Variants in FAM13A observed in about 807,000 individuals in gnomAD.
FAM13A encodes family with sequence similarity 13 member A, also known as protein FAM13A.
In FAM13A, 76 loss-of-function variants were observed where a neutral mutation model predicts 129.6. The observed-to-expected ratio is 0.59, with a 90% confidence interval of 0.49 to 0.71. The LOEUF is 0.71. Ranked by LOEUF, FAM13A falls within the 30% of genes least tolerant of loss-of-function variation. FAM13A has a pLI of 0.00. For synonymous variants in FAM13A, 443 were observed against 449.9 expected (o/e 0.98, Z 0.20); for missense variants, 1,108 against 1,249.3 (o/e 0.89, Z 1.70).
At chr4:88,767,788 G>A (rs564067937) in intron 12 of FAM13A, among the ~76,000 whole-genome samples, 193 bp from the exon 13 acceptor site, 29 of 152,180 alleles carry the variant, frequency 1.9e-4, no homozygotes, top group Admixed American at 1.8e-3. Context: ...AAATAAACAT[G>A]ACTATAGTTA....
intron 4 of FAM13A, chr4:88,990,700 G>T: frequency 1.6e-5 from 5 of 307,572 alleles, no homozygotes; most frequent in East Asian, 5.8e-5. Flanking sequence ...TTTTTTAAAT[G>T]CCCCTTTTAA....
At position 88,781,243 on chromosome 4, in the gene FAM13A, A is replaced by G. The variant is rs762496573; in HGVS notation, c.1380T>C (p.Ala460=). 2.9e-5 allele frequency: 46 copies of G among 1,612,896 alleles called. No individual in the cohort carries two copies. The highest frequency in any genetic ancestry group is 3.9e-5 in the Non-Finnish European group (46 of 1,179,362). The part of the protein sequence containing the change: ...EKVHKNTFGC[A]GERSKPKRQK... Reference sequence around the variant, plus strand: ...GACGTTTAGGCTTGCTCCTTTCTCCAGCACAACCAAAAGTATTTTTGTGTA... The same window carrying G: ...GACGTTTAGGCTTGCTCCTTTCTCCGGCACAACCAAAAGTATTTTTGTGTA... The change falls in exon 11 of 24, where the codon GCT becomes GCC. Residue 460 remains alanine (A), a synonymous_variant. Coordinates refer to ENST00000264344, the MANE Select transcript of FAM13A (RefSeq NM_014883.4).
chr4:88,747,652 G>A lies in FAM13A; in HGVS notation c.2361C>T (p.Ser787=), dbSNP rs777815129. The change falls in exon 18 of 24, where the codon AGC becomes AGT. Residue 787 remains serine (S), a synonymous_variant. Transcript: ENST00000264344. The part of the protein sequence containing the change: ...QRKLQEKRAE[S]SRPEDIKDMT... ...GCACCTTAATGTCCTCAGGGCGGCTGCTTTCCGCTCGCTTCTCCTGGAGCT... is the reference window on the plus strand; with the variant it reads ...GCACCTTAATGTCCTCAGGGCGGCTACTTTCCGCTCGCTTCTCCTGGAGCT... 3 of 1,614,042 alleles carry A rather than the reference G, an allele frequency of 1.9e-6. No homozygotes were observed. The highest frequency in any genetic ancestry group is 2.5e-6 in the Non-Finnish European group (3 of 1,179,998).
chr4:88,786,814 T>C (rs1364530335), intron 10 of FAM13A, among the ~76,000 whole-genome samples: 1 of 152,092 alleles, frequency 6.6e-6, no homozygotes, highest in African/African-American at 2.4e-5. Flanking sequence ...AAGGGTTTAA[T>C]GTAGATTATG....
intron 5 of FAM13A, among the ~76,000 whole-genome samples, chr4:88,919,427 TTTAAG>T (rs1438070478): frequency 2.6e-5 from 4 of 152,218 alleles, no homozygotes; most frequent in African/African-American, 9.6e-5. Context: ...TTGAAGGAAA[TTTAAG>T]TTAACTTTCA....
chr4:88,757,503 C>T (rs1743921683), intron 14 of FAM13A, among the ~76,000 whole-genome samples: 1 of 152,070 alleles, frequency 6.6e-6, no homozygotes, highest in Non-Finnish European at 1.5e-5. Context: ...GATTATTTCA[C>T]AGTACTCAAA....
intron 7 of FAM13A, among the ~76,000 whole-genome samples, chr4:88,812,268 A>C (rs571662043): frequency 6.6e-6 from 1 of 152,152 alleles, no homozygotes; most frequent in African/African-American, 2.4e-5. Context: ...TGTACGGATT[A>C]TGTCTCAAAA....
rs561954499 is a variant in FAM13A at position 88,957,681 on chromosome 4, A to G, written c.606-19440T>C. 2.6e-5 allele frequency among the ~76,000 whole-genome samples: 4 copies of G among 152,344 alleles called. No homozygotes were observed. In the East Asian group the frequency reaches 7.7e-4, roughly 29 times the overall value. Reference sequence around the variant, plus strand: ...AGAAGATAGGAAGACAAGGAAATGTATGGAACTTCTTAGAGATTTGTTAAG... The same window carrying G: ...AGAAGATAGGAAGACAAGGAAATGTGTGGAACTTCTTAGAGATTTGTTAAG... On this transcript the variant is annotated intron_variant, in intron 4 of 23. Coordinates refer to ENST00000264344, the MANE Select transcript of FAM13A (RefSeq NM_014883.4).
chr4:88,788,032 T>A, intron 9 of FAM13A, 100 bp from the exon 10 acceptor site: 1 of 876,750 alleles, frequency 1.1e-6, no homozygotes, highest in Non-Finnish European at 1.7e-6. Flanking sequence ...GTATTTCCAG[T>A]GGAAAGTCTT....
Position 88,747,760 on chromosome 4 carries a change from C to G in FAM13A, c.2253G>C (p.Glu751Asp). ...GCTCTTGCTTCTTCTCATCTTCTTTCTCAAGTTGGGAACCAAAACTCTTGG... is the reference window on the plus strand; with the variant it reads ...GCTCTTGCTTCTTCTCATCTTCTTTGTCAAGTTGGGAACCAAAACTCTTGG... ...TLPKSFGSQL[E>D]KEDEKKQELV... Residue 751 changes from glutamate to aspartate, a missense_variant, in exon 18 of 24, where the codon GAG (glutamate) becomes GAC (aspartate). By Grantham distance (45) the Glu-to-Asp change is conservative. Around this residue, in one of 3 missense-constraint regions of FAM13A, gnomAD observed 529 missense variants for 621.2 expected, o/e 0.85. Coordinates refer to ENST00000264344, the MANE Select transcript of FAM13A (RefSeq NM_014883.4). 1 of 1,614,208 alleles carries G rather than the reference C, an allele frequency of 6.2e-7. No individual in the cohort carries two copies. The highest frequency in any genetic ancestry group is 8.5e-7 in the Non-Finnish European group (1 of 1,180,016).
intron 4 of FAM13A, among the ~76,000 whole-genome samples, chr4:88,960,343 TA>T (rs1290332941): frequency 6.6e-6 from 1 of 152,260 alleles, no homozygotes; most frequent in Non-Finnish European, 1.5e-5. Flanking sequence ...AGACAGTTTT[TA>T]ATATTTTTTG....
intron 23 of FAM13A, chr4:88,729,172 T>C (rs1737075852): frequency 6.5e-6 from 1 of 153,190 alleles, no homozygotes; most frequent in African/African-American, 2.4e-5. Context: ...TAAGCCTTTA[T>C]TATTGAGTAA....
chr4:88,814,078 C>T (rs1026455872), intron 7 of FAM13A, among the ~76,000 whole-genome samples: 5 of 152,136 alleles, frequency 3.3e-5, no homozygotes, highest in African/African-American at 1.2e-4. Context: ...TTGTACAAAG[C>T]GTTTACGTGC....
intron 7 of FAM13A, among the ~76,000 whole-genome samples, chr4:88,824,909 T>C (rs902193479): frequency 3.5e-4 from 53 of 152,192 alleles, no homozygotes; most frequent in Admixed American, 9.8e-4. Context: ...GGTTTTACCA[T>C]ATTGGCCAGG....
intron 11 of FAM13A, among the ~76,000 whole-genome samples, chr4:88,771,287 A>G (rs982519060): frequency 1.3e-5 from 2 of 151,864 alleles, no homozygotes; most frequent in African/African-American, 4.8e-5. Context: ...GTTAGGGAGG[A>G]ATGATTAAGA....
At chr4:88,983,080 C>T (rs1761836636) in intron 4 of FAM13A, among the ~76,000 whole-genome samples, 1 of 152,174 alleles carries the variant, frequency 6.6e-6, no homozygotes, top group Admixed American at 6.5e-5. Context: ...TGTGTTACAA[C>T]TTGATGGCAG....
Position 88,991,023 on chromosome 4 carries a change from A to G in FAM13A, c.555T>C (p.Asn185=). 1 of 1,614,192 alleles carries G rather than the reference A, an allele frequency of 6.2e-7. No homozygotes were observed. The highest frequency in any genetic ancestry group is 8.5e-7 in the Non-Finnish European group (1 of 1,180,024). Residue 185 remains asparagine (N), a synonymous_variant, in exon 4 of 24, where the codon AAT becomes AAC. Transcript: ENST00000264344. The part of the protein sequence containing the change: ...LTKVAKHHVQ[N]RMNVHNLATV... ...TGGCGAGATTGTGAACATTCATGCG[A>G]TTCTGCACATGATGCTTGGCTACTT...
intron 6 of FAM13A, among the ~76,000 whole-genome samples, chr4:88,904,898 A>G (rs1747882703): frequency 6.6e-6 from 1 of 152,218 alleles, no homozygotes; most frequent in African/African-American, 2.4e-5. Flanking sequence ...TATCATATCT[A>G]TAATAGTTTT....
At chr4:88,825,310 G>C (rs1732793322) in intron 7 of FAM13A, among the ~76,000 whole-genome samples, 1 of 151,796 alleles carries the variant, frequency 6.6e-6, no homozygotes. Context: ...CCACCTCCCA[G>C]GTTCAAGTGA....
Sources: gnomAD v4.1 joint callset for allele counts (sites outside exome capture counted in the v4.1 genomes callset) on GRCh38, gnomAD v4.1.1 for gene constraint, gnomAD v4.1.1 regional missense constraint, MANE v1.5 for transcripts, NCBI Gene and HGNC (gene_info 2026-07-23, HGNC 2026-07-21) for gene names.